Variants in ILRUN observed in about 807,000 individuals in gnomAD.
ILRUN encodes the protein protein ILRUN.
ILRUN carries 3 observed loss-of-function variants against 33.8 expected under a neutral mutation model. That is an observed-to-expected ratio of 0.09 (90% confidence interval 0.04 to 0.23). ILRUN has a LOEUF of 0.23. Among genes scored for constraint, ILRUN ranks in the 10% least tolerant of loss-of-function variants. The pLI is 1.00. For synonymous variants in ILRUN, 124 were observed against 138.9 expected (o/e 0.89, Z 0.75); for missense variants, 210 against 375.1 (o/e 0.56, Z 3.64).
At chr6:34,682,238 C>T (rs1763376826) in intron 1 of ILRUN, among the ~76,000 whole-genome samples, 1 of 140,576 alleles carries the variant, frequency 7.1e-6, no homozygotes, top group Non-Finnish European at 1.5e-5. Context: ...AATCTCAGCT[C>T]CCTGCAACCT....
In ILRUN at chr6:34,673,035, G is replaced by A. The variant is rs569069941; in HGVS notation, c.159-18256C>T. Among the ~76,000 whole-genome samples, 12 of 152,276 alleles carry A rather than the reference G, an allele frequency of 7.9e-5. 1 individual carries two copies. The South Asian group carries it at 2.5e-3, about 32-fold the overall frequency. On this transcript the variant is annotated intron_variant, in intron 1 of 4. Coordinates refer to ENST00000374023, the MANE Select transcript of ILRUN (RefSeq NM_024294.4). ...AGAATCAGAATATTTCAACATTACC[G>A]CTGAAAACACAAGACAAAGGATCAG...
At chr6:34,608,262 C>T (rs1181719099) in intron 3 of ILRUN, among the ~76,000 whole-genome samples, 4 of 151,702 alleles carry the variant, frequency 2.6e-5, no homozygotes, top group African/African-American at 4.8e-5. Flanking sequence ...GGCATAGTGG[C>T]GGGTGCCTAT....
chr6:34,637,869 G>GTTGTTA (rs1762397958), intron 3 of ILRUN, among the ~76,000 whole-genome samples: 1 of 125,380 alleles, frequency 8.0e-6, no homozygotes, highest in Non-Finnish European at 1.9e-5. Flanking sequence ...TGCTGCTGTT[G>GTTGTTA]TTGTTGTTGT....
chr6:34,647,617 T>C (rs1264364544), intron 2 of ILRUN, among the ~76,000 whole-genome samples: 2 of 152,120 alleles, frequency 1.3e-5, no homozygotes, highest in Non-Finnish European at 2.9e-5. Context: ...TGGAGTACAA[T>C]GAATGGTACA....
intron 4 of ILRUN, among the ~76,000 whole-genome samples, chr6:34,596,140 G>A (rs1761395227): frequency 1.3e-5 from 2 of 152,232 alleles, no homozygotes; most frequent in African/African-American, 4.8e-5. Context: ...CTGGAGTAAT[G>A]AGCAGGGCAA....
intron 3 of ILRUN, among the ~76,000 whole-genome samples, chr6:34,636,100 G>A (rs1210297227): frequency 6.6e-6 from 1 of 152,028 alleles, no homozygotes; most frequent in Non-Finnish European, 1.5e-5. Context: ...CCACAAAAAA[G>A]GTTTTAAAAA....
At chr6:34,669,289 ATTTTTTT>A (rs35216384) in intron 1 of ILRUN, among the ~76,000 whole-genome samples, 2 of 118,440 alleles carry the variant, frequency 1.7e-5, no homozygotes, top group African/African-American at 6.4e-5. Context: ...ACACCCAGCT[ATTTTTTT>A]TTTTTTTTTT....
chr6:34,652,378 A>C (rs188738169), intron 2 of ILRUN, among the ~76,000 whole-genome samples: 2 of 152,318 alleles, frequency 1.3e-5, no homozygotes, highest in East Asian at 3.9e-4. Context: ...GGGGCGAATG[A>C]AATTTTACAA....
chr6:34,678,164 C>T (rs921235355), intron 1 of ILRUN, among the ~76,000 whole-genome samples: 13 of 152,000 alleles, frequency 8.6e-5, no homozygotes, highest in Non-Finnish European at 1.5e-5. Context: ...TTCAGCCTCC[C>T]GAGTAGCTGG....
chr6:34,593,906 G>C (rs911907236), intron 4 of ILRUN, among the ~76,000 whole-genome samples: 1 of 152,086 alleles, frequency 6.6e-6, no homozygotes, highest in Non-Finnish European at 1.5e-5. Flanking sequence ...CAGCTTGTCT[G>C]GGGAGTCCTA....
intron 3 of ILRUN, among the ~76,000 whole-genome samples, chr6:34,620,811 A>G (rs1014979915): frequency 6.6e-6 from 1 of 152,240 alleles, no homozygotes; most frequent in Non-Finnish European, 1.5e-5. Flanking sequence ...CCTGGATGAT[A>G]AAGTGAGACC....
At chr6:34,595,800 T>C (rs1761387831) in intron 4 of ILRUN, 2 of 985,478 alleles carry the variant, frequency 2.0e-6, no homozygotes, top group African/African-American at 1.7e-5. Flanking sequence ...AGCAAGTTTG[T>C]TGTATGGCTG....
intron 3 of ILRUN, among the ~76,000 whole-genome samples, chr6:34,639,995 A>G (rs997461145): frequency 1.3e-5 from 2 of 152,182 alleles, no homozygotes; most frequent in Non-Finnish European, 1.5e-5. Flanking sequence ...TGCTACTTAG[A>G]TAAAAGCTAA....
chr6:34,674,959 A>T (rs944289067), intron 1 of ILRUN, among the ~76,000 whole-genome samples: 1 of 152,066 alleles, frequency 6.6e-6, no homozygotes, highest in African/African-American at 2.4e-5. Flanking sequence ...GAATAACTGG[A>T]CATGCGCACC....
At chr6:34,632,154 G>GTTTA (rs1317976787) in intron 3 of ILRUN, among the ~76,000 whole-genome samples, 1 of 152,090 alleles carries the variant, frequency 6.6e-6, no homozygotes, top group Non-Finnish European at 1.5e-5. Flanking sequence ...CATTAACAGT[G>GTTTA]TTTAGGCTGG....
intron 1 of ILRUN, among the ~76,000 whole-genome samples, chr6:34,692,952 T>C (rs1763676854): frequency 6.6e-6 from 1 of 151,980 alleles, no homozygotes; most frequent in South Asian, 2.1e-4. Context: ...GTGGCACGCA[T>C]CTGTAGTCCC....
At chr6:34,641,999 G>C (rs1281862470) in intron 3 of ILRUN, among the ~76,000 whole-genome samples, 1 of 152,062 alleles carries the variant, frequency 6.6e-6, no homozygotes, top group African/African-American at 2.4e-5. Context: ...GAGGCACTAA[G>C]GACAAGACAT....
Position 34,696,634 on chromosome 6 carries a change from C to T in ILRUN, c.-31G>A. The stretch of plus-strand genomic sequence containing the variant: ...GGACCGGACACCCGCTTCCCCGCCT[C>T]TTCACAACCAAGCCGCCGCCGCGCC... On this transcript the variant is annotated 5_prime_UTR_variant, in exon 1 of 5. Transcript: ENST00000374023. 1.3e-6 allele frequency: 2 copies of T among 1,586,524 alleles called. No individual in the cohort carries two copies. Among genetic ancestry groups the T allele is most frequent in the Non-Finnish European group, 1.7e-6 (2 of 1,169,134 alleles).
In ILRUN at chr6:34,592,557, T is replaced by C. The variant is rs1761316454; in HGVS notation, c.862-1957A>G. ...CAGAGGTATCAAGTTCACGCAAAAG[T>C]AATTGCAGTTTTTGCCATTATTTTT... On this transcript the variant is annotated intron_variant, in intron 4 of 4. Transcript: ENST00000374023. This position sits in a 1 kb window ranked among gnomAD's most constrained non-coding sequence, Gnocchi z 4.0. Among the ~76,000 whole-genome samples the C allele has an allele frequency of 6.6e-6, 1 of 152,240 alleles. No individual in the cohort carries two copies. The highest frequency in any genetic ancestry group is 1.5e-5 in the Non-Finnish European group (1 of 68,042).
Sources: gnomAD v4.1 joint callset for allele counts (sites outside exome capture counted in the v4.1 genomes callset) on GRCh38, gnomAD v4.1.1 for gene constraint, Gnocchi (gnomAD v3.1) non-coding constraint, MANE v1.5 for transcripts, NCBI Gene and HGNC (gene_info 2026-07-23, HGNC 2026-07-21) for gene names.